The following SETD2 variants were observed in gnomAD, a reference collection of about 807,000 sequenced individuals.
SETD2 encodes the protein histone-lysine N-methyltransferase SETD2.
Under a neutral mutation model 242.1 loss-of-function variants are expected in SETD2, and 31 were observed. The ratio of observed to expected loss-of-function variants is 0.13; its 90% CI spans 0.10 to 0.17. The LOEUF (loss-of-function observed/expected upper bound fraction) is 0.17. SETD2 is among the 10% of genes least tolerant of loss of function. The pLI, the probability that SETD2 is intolerant of heterozygous loss-of-function variation, is 1.00. For missense variants in SETD2, 2,481 were observed against 3,046.3 expected (o/e 0.81, Z 4.37); for synonymous variants, 1,006 against 1,066.5 (o/e 0.94, Z 1.11).
intron 12 of SETD2, among the ~76,000 whole-genome samples, chr3:47,070,987 T>C (rs2040795008): frequency 6.6e-6 from 1 of 152,088 alleles, no homozygotes; most frequent in Non-Finnish European, 1.5e-5. Context: ...CCTCCTGTCT[T>C]AGCCTCCCGA....
rs35888397 is a variant in SETD2 at position 47,103,744 on chromosome 3, G to GCACA, written c.4840-325_4840-322dup. On this transcript the variant is annotated intron_variant, in intron 6 of 20. Coordinates refer to ENST00000409792, the MANE Select transcript of SETD2 (RefSeq NM_014159.7). ...TAAGATACATGCAATGCACACGCAC[G>GCACA]CACACACACACACACTCCCTTATCC... is the stretch of plus-strand genomic sequence containing the variant. Among the ~76,000 whole-genome samples, 501 of 150,998 alleles carry GCACA rather than the reference G, an allele frequency of 3.3e-3. 3 individuals are homozygous for GCACA. The highest frequency in any genetic ancestry group is 8.9e-3 in the African/African-American group (367 of 41,220).
intron 1 of SETD2, among the ~76,000 whole-genome samples, chr3:47,162,162 C>T (rs1697504350): frequency 6.6e-6 from 1 of 152,002 alleles, no homozygotes; most frequent in Admixed American, 6.6e-5. Flanking sequence ...TTAAAGCTTC[C>T]GGACTTCACC....
At chr3:47,024,215 G>A (rs1468719141) in intron 18 of SETD2, among the ~76,000 whole-genome samples, 2 of 152,066 alleles carry the variant, frequency 1.3e-5, no homozygotes, top group East Asian at 1.9e-4. Flanking sequence ...ACTCACGCCT[G>A]TAATCCCAGC....
chr3:47,145,064 C>G (rs983149777), intron 1 of SETD2, among the ~76,000 whole-genome samples: 2 of 152,138 alleles, frequency 1.3e-5, no homozygotes, highest in Non-Finnish European at 2.9e-5. Flanking sequence ...AAGTACGCAG[C>G]TGGTTTTCAT....
intron 18 of SETD2, among the ~76,000 whole-genome samples, chr3:47,030,330 C>T (rs2038706550): frequency 6.6e-6 from 1 of 151,942 alleles, no homozygotes; most frequent in South Asian, 2.1e-4. Flanking sequence ...TAATTCAATA[C>T]AGCAGAAGGT....
chr3:47,163,752 T>C (rs1697579139), intron 1 of SETD2, 102 bp downstream of exon 1: 2 of 1,146,304 alleles, frequency 1.7e-6, no homozygotes, highest in Admixed American at 4.5e-5. Context: ...GTGGGCCTGT[T>C]ACTCCTCGCG....
chr3:47,025,955 G>A (rs553370052), intron 18 of SETD2, among the ~76,000 whole-genome samples: 244 of 152,280 alleles, frequency 1.6e-3, no homozygotes, highest in Non-Finnish European at 2.9e-3. Flanking sequence ...ATTGACAAAT[G>A]GGATCTAATT....
intron 6 of SETD2, chr3:47,105,619 G>C (rs776607175): frequency 9.1e-5 from 38 of 419,324 alleles, no homozygotes; most frequent in Non-Finnish European, 1.5e-4. Flanking sequence ...CATTTTTGTC[G>C]CTTAATATAT....
chr3:47,130,420 T>C (rs2043450118), intron 1 of SETD2, among the ~76,000 whole-genome samples: 1 of 152,172 alleles, frequency 6.6e-6, no homozygotes, highest in Non-Finnish European at 1.5e-5. Context: ...CAGGAGAGTC[T>C]TCTTGGGTAG....
chr3:47,158,422 T>C (rs1214380666), intron 1 of SETD2, among the ~76,000 whole-genome samples: 1 of 152,148 alleles, frequency 6.6e-6, no homozygotes, highest in East Asian at 1.9e-4. Flanking sequence ...TCCACCTCTG[T>C]CACTCAAGAC....
intron 1 of SETD2, among the ~76,000 whole-genome samples, chr3:47,138,034 C>T (rs1357712791): frequency 2.0e-5 from 3 of 151,744 alleles, no homozygotes; most frequent in African/African-American, 7.3e-5. Flanking sequence ...TGCAGTGGCG[C>T]GATCTCGGCT....
At chr3:47,069,897 A>G (rs1280757993) in intron 12 of SETD2, among the ~76,000 whole-genome samples, 1 of 152,186 alleles carries the variant, frequency 6.6e-6, no homozygotes, top group Non-Finnish European at 1.5e-5. Context: ...TACCCACACT[A>G]TAAGGGAAAA....
chr3:47,031,776 C>T (rs34103310), intron 18 of SETD2, among the ~76,000 whole-genome samples: 72,633 of 151,820 alleles, frequency 0.48, 19,036 homozygotes, highest in Non-Finnish European at 0.58. Flanking sequence ...AGCTTTTATT[C>T]GTATGGGTTA....
intron 1 of SETD2, among the ~76,000 whole-genome samples, chr3:47,149,131 A>C (rs2043926879): frequency 6.6e-6 from 1 of 152,214 alleles, no homozygotes; most frequent in African/African-American, 2.4e-5. Context: ...TAGGAAAACA[A>C]GTAACTCAAT....
chr3:47,048,008 GT>G (rs2039606770), intron 15 of SETD2, among the ~76,000 whole-genome samples: 1 of 152,134 alleles, frequency 6.6e-6, no homozygotes, highest in Non-Finnish European at 1.5e-5. Context: ...TGTACAGCAT[GT>G]TTCTGTAATA....
At chr3:47,056,634 T>C (rs1313060074) in intron 15 of SETD2, among the ~76,000 whole-genome samples, 187 bp downstream of exon 15, 1 of 152,186 alleles carries the variant, frequency 6.6e-6, no homozygotes, top group Non-Finnish European at 1.5e-5. Context: ...CTAAGCTGCT[T>C]CTGAGTTACT....
chr3:47,080,843 A>T, intron 12 of SETD2: 1 of 986,830 alleles, frequency 1.0e-6, no homozygotes, highest in Non-Finnish European at 1.2e-6. Flanking sequence ...CCGGAACGAC[A>T]TCCATTGTCG....
chr3:47,056,174 G>A (rs2107573571), intron 15 of SETD2, among the ~76,000 whole-genome samples: 1 of 149,514 alleles, frequency 6.7e-6, no homozygotes, highest in South Asian at 2.1e-4. Context: ...GTCCAGGCTG[G>A]GGTACAGTGA....
chr3:47,088,933 A>G (rs2041680375), intron 9 of SETD2, among the ~76,000 whole-genome samples: 2 of 152,170 alleles, frequency 1.3e-5, no homozygotes, highest in South Asian at 4.1e-4. Context: ...AACAACCCAA[A>G]TATCTGTACA....
Sources: gnomAD v4.1 joint callset for allele counts (sites outside exome capture counted in the v4.1 genomes callset) on GRCh38, gnomAD v4.1.1 for gene constraint, MANE v1.5 for transcripts, NCBI Gene and HGNC (gene_info 2026-07-23, HGNC 2026-07-21) for gene names.